The following WWP2 variants were observed in gnomAD, a reference collection of about 807,000 sequenced individuals.
The protein encoded by WWP2 is NEDD4-like E3 ubiquitin-protein ligase WWP2.
Under a neutral mutation model 121.0 loss-of-function variants are expected in WWP2, and 57 were observed. The ratio of observed to expected loss-of-function variants is 0.47; its 90% confidence interval spans 0.38 to 0.59. WWP2 has a LOEUF of 0.59. WWP2 is among the 20% of genes least tolerant of loss of function. The probability of loss-of-function intolerance (pLI) is 0.00; values close to 1 mark genes in which losing one functional copy is unlikely to be tolerated. For synonymous variants in WWP2, 449 were observed against 441.3 expected (o/e 1.02, Z -0.22); for missense variants, 962 against 1,158.9 (o/e 0.83, Z 2.47).
intron 6 of WWP2, among the ~76,000 whole-genome samples, chr16:69,863,562 C>T (rs1233562575): frequency 6.6e-6 from 1 of 152,122 alleles, no homozygotes; most frequent in Non-Finnish European, 1.5e-5. Context: ...TTGCTTGAAC[C>T]TGGTGGGGGC....
At chr16:69,892,341 A>C (rs2058041217) in intron 8 of WWP2, among the ~76,000 whole-genome samples, 2 of 150,366 alleles carry the variant, frequency 1.3e-5, no homozygotes, top group African/African-American at 2.5e-5. Context: ...TCCCTCCCCT[A>C]GCCCCCCACC....
At chr16:69,766,215 G>A (rs539001050) in intron 1 of WWP2, among the ~76,000 whole-genome samples, 10 of 152,050 alleles carry the variant, frequency 6.6e-5, no homozygotes, top group African/African-American at 9.7e-5. Context: ...CCCTTGACTC[G>A]TCTCTTCCTC....
intron 4 of WWP2, among the ~76,000 whole-genome samples, chr16:69,800,559 T>C (rs1287301796): frequency 7.5e-6 from 1 of 133,926 alleles, no homozygotes; most frequent in African/African-American, 3.1e-5. Context: ...GTAATAGTTA[T>C]TGTTTTTTCT....
At chr16:69,884,460 CA>C in intron 7 of WWP2, among the ~76,000 whole-genome samples, 1 of 151,900 alleles carries the variant, frequency 6.6e-6, no homozygotes, top group Non-Finnish European at 1.5e-5. Context: ...CCTATCTCTA[CA>C]AAAAATAAAA....
chr16:69,842,040 G>T lies in WWP2; in HGVS notation c.495G>T (p.Ser165=). Residue 165 remains serine, a synonymous_variant, in exon 6 of 24, where the codon TCG becomes TCT. Coordinates refer to ENST00000359154, the MANE Select transcript of WWP2 (RefSeq NM_001270454.2). ...SALTDGSQLP[S]RDSSGTAVAP... Reference sequence around the variant, plus strand: ...CCTTTCTAGGATCACAGCTGCCTTCGAGAGACTCCAGTGGAACAGCAGTAG... The same window carrying T: ...CCTTTCTAGGATCACAGCTGCCTTCTAGAGACTCCAGTGGAACAGCAGTAG... 6.2e-7 allele frequency: 1 copy of T among 1,613,006 alleles called. No individual in the cohort carries two copies. Among genetic ancestry groups the T allele is most frequent in the Middle Eastern group, 1.6e-4 (1 of 6,062 alleles).
rs1280919172 is a variant in WWP2, at chr16:69,925,314, C to T, written c.1180-116C>T. 6.5e-6 allele frequency: 10 copies of T among 1,528,738 alleles called. No homozygotes were observed. The highest frequency in any genetic ancestry group is 8.8e-6 in the Non-Finnish European group (10 of 1,133,412). The allele number at this position is 1,528,738 out of a possible 1,614,324, so 94.7% of individuals were successfully genotyped here. On this transcript the variant is annotated intron_variant, in intron 10 of 23. Transcript: ENST00000359154. This position sits in a 1 kb window ranked among gnomAD's most constrained non-coding sequence, Gnocchi z 4.0. ...ACCTAAAGTCCCACTGCATTCCCTG[C>T]AAAGCGCTCAAATGTGGAAGCCAGT... is the stretch of plus-strand genomic sequence containing the variant.
intron 23 of WWP2, 104 bp downstream of exon 23, chr16:69,939,517 T>C (rs1044651351): frequency 2.3e-4 from 282 of 1,231,852 alleles, no homozygotes; most frequent in Non-Finnish European, 3.2e-4. Context: ...GTCTGGCAGC[T>C]TTTGCGTGGC....
chr16:69,907,463 C>T (rs576774738), intron 8 of WWP2, among the ~76,000 whole-genome samples: 1 of 152,310 alleles, frequency 6.6e-6, no homozygotes, highest in Non-Finnish European at 1.5e-5. Flanking sequence ...GTCAACTTCT[C>T]CTAGACAGTA....
intron 9 of WWP2, chr16:69,909,681 A>G (rs1359882960): frequency 1.0e-6 from 1 of 985,302 alleles, no homozygotes; most frequent in Non-Finnish European, 1.2e-6. Context: ...GAAGTTACCA[A>G]AGTTAAACAT....
chr16:69,816,439 A>G (rs1360454135), intron 4 of WWP2, among the ~76,000 whole-genome samples: 1 of 148,408 alleles, frequency 6.7e-6, no homozygotes, highest in Non-Finnish European at 1.5e-5. Flanking sequence ...ATCTATATCT[A>G]TAACTATATC....
intron 3 of WWP2, 61 bp downstream of exon 3, chr16:69,798,890 A>C: frequency 6.3e-7 from 1 of 1,594,958 alleles, no homozygotes. Context: ...GGGTGCTCCG[A>C]GGGGGTTGTG....
At chr16:69,790,234 C>T (rs113847187) in intron 2 of WWP2, among the ~76,000 whole-genome samples, 9 of 151,976 alleles carry the variant, frequency 5.9e-5, no homozygotes, top group African/African-American at 1.4e-4. Flanking sequence ...GCAACAAGAA[C>T]GAAATTCTAT....
chr16:69,838,338 G>A (rs1321021052), intron 4 of WWP2, among the ~76,000 whole-genome samples: 4 of 151,662 alleles, frequency 2.6e-5, no homozygotes, highest in South Asian at 2.1e-4. Context: ...AATTAAACTC[G>A]GAGTGCCTGA....
chr16:69,809,417 G>A (rs1435903300), intron 4 of WWP2, among the ~76,000 whole-genome samples: 1 of 152,022 alleles, frequency 6.6e-6, no homozygotes, highest in African/African-American at 2.4e-5. Flanking sequence ...TTGCCTAAAG[G>A]GAAGGCAGTC....
intron 7 of WWP2, among the ~76,000 whole-genome samples, chr16:69,873,516 G>A (rs930576836): frequency 1.3e-5 from 2 of 152,214 alleles, no homozygotes; most frequent in East Asian, 1.9e-4. Flanking sequence ...GCTGCCTGGC[G>A]CCCCTGTGCC....
At chr16:69,777,312 T>G (rs1433511005) in intron 1 of WWP2, among the ~76,000 whole-genome samples, 6 of 152,112 alleles carry the variant, frequency 3.9e-5, no homozygotes, top group African/African-American at 1.4e-4. Context: ...ATATTTTCTT[T>G]TTTTTTGAAA....
chr16:69,927,153 C>A lies in WWP2; in HGVS notation c.1234+1669C>A, dbSNP rs149802925. Among the ~76,000 whole-genome samples, 1,076 of 152,312 alleles carry A rather than the reference C, an allele frequency of 7.1e-3. 14 individuals carry two copies. The highest frequency in any genetic ancestry group is 0.024 in the African/African-American group (1,018 of 41,568). On this transcript the variant is annotated intron_variant, in intron 11 of 23. Coordinates refer to ENST00000359154, the MANE Select transcript of WWP2 (RefSeq NM_001270454.2). ...CATAGTCTAGAATTAAGAGGAAGAA[C>A]ATTCTGGCTAAAGGCCAGGGCTCCT...
rs1254674662 is a variant in WWP2 at position 69,925,234 on chromosome 16, G to T, written c.1180-196G>T. 11 of 1,437,752 alleles carry T rather than the reference G, an allele frequency of 7.7e-6. No homozygotes were observed. Among genetic ancestry groups the T allele is most frequent in the Admixed American group, 2.4e-5 (1 of 40,836 alleles). The allele number at this position is 1,437,752 out of a possible 1,614,324, so 89.1% of individuals were successfully genotyped here. A position where few individuals can be genotyped will look rare whatever the true frequency, so the allele number is the denominator to read the frequency against. Reference sequence around the variant, plus strand: ...CCTCCGTGCGCAGGGTTCTTTTTTGGTTTTTCTGTAAAAATCAAAACAAAA... The same window carrying T: ...CCTCCGTGCGCAGGGTTCTTTTTTGTTTTTTCTGTAAAAATCAAAACAAAA... On this transcript the variant is annotated intron_variant, in intron 10 of 23. Coordinates refer to ENST00000359154, the MANE Select transcript of WWP2 (RefSeq NM_001270454.2). The surrounding 1 kb of genome is among the most constrained non-coding windows in gnomAD (Gnocchi z 4.0).
intron 6 of WWP2, among the ~76,000 whole-genome samples, chr16:69,865,626 G>A (rs2057507473): frequency 6.6e-6 from 1 of 152,220 alleles, no homozygotes; most frequent in African/African-American, 2.4e-5. Context: ...GGTTGGCTAA[G>A]TTTACATATT....
Sources: allele counts gnomAD v4.1 joint callset (sites outside exome capture counted in the v4.1 genomes callset), GRCh38; gene constraint gnomAD v4.1.1; non-coding constraint Gnocchi (gnomAD v3.1); transcripts MANE v1.5; gene names NCBI Gene and HGNC (gene_info 2026-07-23, HGNC 2026-07-21).